ELP3: variants seen among roughly 807,000 people sequenced by gnomAD.
The protein encoded by ELP3 is elongator complex protein 3.
Under a neutral mutation model 74.9 loss-of-function variants are expected in ELP3, and 56 were observed. That is an observed-to-expected ratio of 0.75 (90% CI 0.60 to 0.93). The LOEUF (loss-of-function observed/expected upper bound fraction) is 0.93, where lower values mean the gene tolerates loss of function less well. Among genes scored for constraint, ELP3 ranks in the 40% least tolerant of loss-of-function variants. The pLI, the probability that ELP3 is intolerant of heterozygous loss-of-function variation, is 0.00. For missense variants in ELP3, 573 were observed against 686.5 expected, an observed-to-expected ratio of 0.83 and a Z score of 1.85; for synonymous variants, 222 against 239.8, an observed-to-expected ratio of 0.93 and a Z score of 0.68.
At chr8:28,169,892 C>G (rs996682885) in intron 14 of ELP3, among the ~76,000 whole-genome samples, 15 of 152,178 alleles carry the variant, frequency 9.9e-5, no homozygotes, top group Admixed American at 3.9e-4. Flanking sequence ...GCTGTGGTTC[C>G]TCGCCATCCC....
At chr8:28,101,128 A>G (rs1811463252) in intron 3 of ELP3, among the ~76,000 whole-genome samples, 2 of 151,952 alleles carry the variant, frequency 1.3e-5, no homozygotes, top group African/African-American at 4.8e-5. Flanking sequence ...TAGTGTAAAA[A>G]GCTTGTTAGC....
intron 7 of ELP3, among the ~76,000 whole-genome samples, chr8:28,126,914 G>T (rs1260922105): frequency 1.3e-5 from 2 of 152,094 alleles, no homozygotes; most frequent in African/African-American, 4.8e-5. Flanking sequence ...TCATTGTTTT[G>T]TCATTCAAAT....
intron 3 of ELP3, among the ~76,000 whole-genome samples, chr8:28,103,426 C>T (rs1301771722): frequency 6.6e-6 from 1 of 151,974 alleles, no homozygotes. Context: ...ATCCATTGTA[C>T]GGATGTACCA....
intron 7 of ELP3, among the ~76,000 whole-genome samples, chr8:28,120,604 C>T (rs1452679664): frequency 6.6e-6 from 1 of 152,144 alleles, no homozygotes; most frequent in Non-Finnish European, 1.5e-5. Flanking sequence ...TCTGTATTGT[C>T]TCTAATAAAC....
At chr8:28,163,375 T>C (rs1166924782) in intron 14 of ELP3, among the ~76,000 whole-genome samples, 1 of 151,680 alleles carries the variant, frequency 6.6e-6, no homozygotes, top group Non-Finnish European at 1.5e-5. Flanking sequence ...TGAGGTTTTT[T>C]AAAAAAAAAT....
At chr8:28,160,592 A>G in intron 13 of ELP3, 136 bp downstream of exon 13, 3 of 730,854 alleles carry the variant, frequency 4.1e-6, no homozygotes, top group Non-Finnish European at 4.5e-6. Flanking sequence ...CAGAGGAGCC[A>G]GTGTTTTAGT....
chr8:28,185,208 A>G (rs1372694407), intron 14 of ELP3, among the ~76,000 whole-genome samples: 1 of 152,218 alleles, frequency 6.6e-6, no homozygotes, highest in Non-Finnish European at 1.5e-5. Flanking sequence ...AGATAATAAT[A>G]TAAGTCAGGA....
chr8:28,113,139 G>A lies in ELP3; in HGVS notation c.583G>A (p.Gly195Arg), dbSNP rs1217631641. 3.1e-6 allele frequency: 5 copies of A among 1,613,374 alleles called. No homozygotes were observed. The highest frequency in any genetic ancestry group is 4.2e-6 in the Non-Finnish European group (5 of 1,179,768). The stretch of plus-strand genomic sequence containing the variant: ...TCGAAATTTACATGATGCCTTATCA[G>A]GACATACTTCCAACAATATTTACGA... ...FIRNLHDALS[G>R]HTSNNIYEAV... Residue 195 changes from glycine to arginine, a missense_variant, in exon 7 of 15, where the codon GGA becomes AGA. By Grantham distance (125) the Gly-to-Arg change is moderately radical. Transcript: ENST00000256398.
At chr8:28,126,120 A>G (rs774677872) in intron 7 of ELP3, among the ~76,000 whole-genome samples, 4 of 152,166 alleles carry the variant, frequency 2.6e-5, no homozygotes, top group Admixed American at 6.5e-5. Context: ...AGAGACAGAC[A>G]TAACCACAAA....
At chr8:28,165,274 G>A (rs28529628) in intron 14 of ELP3, among the ~76,000 whole-genome samples, 4,275 of 152,112 alleles carry the variant, frequency 0.028, 215 homozygotes, top group African/African-American at 0.098. Flanking sequence ...ATTGTAGGTG[G>A]GACCTTTTCT....
intron 14 of ELP3, among the ~76,000 whole-genome samples, chr8:28,181,468 G>A (rs2130609832): frequency 6.6e-6 from 1 of 152,280 alleles, no homozygotes; most frequent in South Asian, 2.1e-4. Context: ...CCTTTTCTGT[G>A]ATTTATTCTT....
intron 5 of ELP3, among the ~76,000 whole-genome samples, chr8:28,109,851 T>C (rs1376493512): frequency 6.6e-6 from 1 of 152,222 alleles, no homozygotes; most frequent in African/African-American, 2.4e-5. Context: ...CCTGGACGTA[T>C]TCTTTATTTG....
intron 10 of ELP3, among the ~76,000 whole-genome samples, chr8:28,155,098 C>T (rs1387425033): frequency 6.6e-6 from 1 of 152,180 alleles, no homozygotes; most frequent in Non-Finnish European, 1.5e-5. Context: ...CAAGTTGATT[C>T]AAAAGCAAAA....
chr8:28,090,903 C>CTTTTTT (rs1563239681), upstream of ELP3, among the ~76,000 whole-genome samples: 3 of 53,144 alleles, frequency 5.6e-5, 1 homozygote, highest in African/African-American at 1.6e-4. Flanking sequence ...GTAAATGTTT[C>CTTTTTT]CTTTTTTTTT....
At chr8:28,162,273 TGA>T (rs1450799743) in intron 14 of ELP3, among the ~76,000 whole-genome samples, 195 bp downstream of exon 14, 2 of 152,202 alleles carry the variant, frequency 1.3e-5, no homozygotes, top group African/African-American at 4.8e-5. Context: ...CCGAGCCCTC[TGA>T]GAGTCAGGAC....
intron 12 of ELP3, among the ~76,000 whole-genome samples, chr8:28,159,826 G>C (rs1260929738): frequency 1.3e-5 from 2 of 152,144 alleles, no homozygotes; most frequent in African/African-American, 2.4e-5. Flanking sequence ...ACTAGAAGAT[G>C]AAACCCAAAC....
At chr8:28,093,365 G>C in intron 1 of ELP3, 132 bp downstream of exon 1, 2 of 1,276,192 alleles carry the variant, frequency 1.6e-6, no homozygotes, top group Non-Finnish European at 2.2e-6. Flanking sequence ...CCTAGGGTCA[G>C]TGTGTCCATT....
Position 28,147,619 on chromosome 8 carries a change from A to G in ELP3, c.1101-8323A>G, listed in dbSNP as rs892319175. The stretch of plus-strand genomic sequence containing the variant: ...AGTTATAGCGTGTATGTTTATATAT[A>G]TAAATATATGTCTCTCTCTGTGTGT... On this transcript the variant is annotated intron_variant, in intron 10 of 14. Transcript: ENST00000256398. The surrounding 1 kb of genome is among the most constrained non-coding windows in gnomAD (Gnocchi z 4.5). Among the ~76,000 whole-genome samples the G allele has an allele frequency of 6.6e-5, 10 of 152,224 alleles. No individual in the cohort carries two copies. Among genetic ancestry groups the G allele is most frequent in the African/African-American group, 2.4e-4 (10 of 41,456 alleles).
chr8:28,101,471 C>T (rs544694570), intron 3 of ELP3, among the ~76,000 whole-genome samples: 31 of 152,212 alleles, frequency 2.0e-4, no homozygotes, highest in Non-Finnish European at 3.5e-4. Context: ...CCATGCCCCT[C>T]ACCTCCCTTT....
Sources: allele counts gnomAD v4.1 joint callset (sites outside exome capture counted in the v4.1 genomes callset), GRCh38; gene constraint gnomAD v4.1.1; non-coding constraint Gnocchi (gnomAD v3.1); transcripts MANE v1.5; gene names NCBI Gene and HGNC (gene_info 2026-07-23, HGNC 2026-07-21).